The following GLI3 variants were observed in gnomAD, a reference collection of about 807,000 sequenced individuals.
GLI3 encodes GLI family zinc finger 3.
In GLI3, 20 loss-of-function variants were observed where a neutral mutation model predicts 100.8. The observed-to-expected ratio is 0.20, with a 90% CI of 0.14 to 0.29. GLI3 has a LOEUF of 0.29. GLI3 is among the 10% of genes least tolerant of loss of function. The pLI is 1.00. For synonymous variants in GLI3, 938 were observed against 860.5 expected (o/e 1.09, Z -1.58); for missense variants, 2,040 against 2,128.5 (o/e 0.96, Z 0.82).
At chr7:42,026,532 G>A (rs1789119244) in intron 7 of GLI3, 120 bp from the exon 8 acceptor site, 1 of 804,774 alleles carries the variant, frequency 1.2e-6, no homozygotes, top group Admixed American at 2.0e-5. Context: ...GTTTAAATGA[G>A]AAGGTAGGAT....
At chr7:42,172,998 T>A (rs1467075061) in intron 2 of GLI3, among the ~76,000 whole-genome samples, 1 of 152,208 alleles carries the variant, frequency 6.6e-6, no homozygotes, top group Admixed American at 6.5e-5. Context: ...CCAGTGCCCT[T>A]ACCCGGTAGT....
intron 3 of GLI3, chr7:42,113,667 A>G: frequency 1.3e-6 from 1 of 757,470 alleles, no homozygotes; most frequent in Non-Finnish European, 2.3e-6. Flanking sequence ...ATGACTGTAC[A>G]GTTTGAAATA....
chr7:42,010,535 C>G (rs959649768), intron 10 of GLI3, among the ~76,000 whole-genome samples: 1 of 152,134 alleles, frequency 6.6e-6, no homozygotes, highest in African/African-American at 2.4e-5. Flanking sequence ...GTGTTTTGAT[C>G]AAAGAGTCTG....
chr7:41,992,268 G>T (rs1195038860), intron 10 of GLI3, among the ~76,000 whole-genome samples: 2 of 152,222 alleles, frequency 1.3e-5, no homozygotes, highest in Non-Finnish European at 2.9e-5. Context: ...TGTGGGTGAT[G>T]AATTAGAGAG....
chr7:42,245,077 G>A (rs1788958345), intron 1 of GLI3, among the ~76,000 whole-genome samples: 1 of 152,180 alleles, frequency 6.6e-6, no homozygotes, highest in African/African-American at 2.4e-5. Context: ...CTTTCCAGGA[G>A]CCTTCACAAA....
chr7:42,158,045 C>T (rs1482883829), intron 2 of GLI3, among the ~76,000 whole-genome samples: 1 of 152,132 alleles, frequency 6.6e-6, no homozygotes, highest in Non-Finnish European at 1.5e-5. Context: ...TAATTATCTC[C>T]TATGCATATG....
chr7:42,076,575 G>C (rs1784882747), intron 4 of GLI3, among the ~76,000 whole-genome samples, 177 bp downstream of exon 4: 1 of 152,200 alleles, frequency 6.6e-6, no homozygotes, highest in Non-Finnish European at 1.5e-5. Context: ...TCAGGAAGCA[G>C]CAGGGATTTG....
intron 5 of GLI3, among the ~76,000 whole-genome samples, chr7:42,046,824 A>G (rs969693719): frequency 9.2e-5 from 14 of 152,336 alleles, no homozygotes; most frequent in African/African-American, 3.1e-4. Flanking sequence ...TAAAATCTGA[A>G]GCAGAAAATC....
intron 12 of GLI3, among the ~76,000 whole-genome samples, chr7:41,973,212 T>C (rs1787413961): frequency 6.6e-6 from 1 of 152,204 alleles, no homozygotes; most frequent in South Asian, 2.1e-4. Flanking sequence ...TTGGGTAGCA[T>C]TACAAGTGTG....
chr7:42,067,260 T>C (rs1397546883), intron 4 of GLI3, among the ~76,000 whole-genome samples: 1 of 152,172 alleles, frequency 6.6e-6, no homozygotes, highest in East Asian at 1.9e-4. Context: ...TAGTATATGT[T>C]AACGACAATG....
chr7:42,125,868 A>G (rs1361167659), intron 3 of GLI3, among the ~76,000 whole-genome samples: 2 of 152,208 alleles, frequency 1.3e-5, no homozygotes, highest in Non-Finnish European at 2.9e-5. Flanking sequence ...AGATAACTCA[A>G]AAACACAAGG....
chr7:42,188,358 C>T (rs749933474), intron 2 of GLI3, among the ~76,000 whole-genome samples: 37 of 152,244 alleles, frequency 2.4e-4, no homozygotes, highest in African/African-American at 6.3e-4. Context: ...AATACACACA[C>T]CGCTGGTAAA....
chr7:42,147,606 A>G (rs1562757429), intron 3 of GLI3, among the ~76,000 whole-genome samples: 1 of 152,346 alleles, frequency 6.6e-6, no homozygotes, highest in Non-Finnish European at 1.5e-5. Context: ...CATCCCATAC[A>G]TGAGTTCAGA....
At chr7:42,212,009 A>G (rs1352115543) in intron 2 of GLI3, among the ~76,000 whole-genome samples, 1 of 152,128 alleles carries the variant, frequency 6.6e-6, no homozygotes, top group Non-Finnish European at 1.5e-5. Flanking sequence ...ATTTTTCCCA[A>G]TGCTTTTGCA....
At chr7:42,181,375 T>C (rs1583626875) in intron 2 of GLI3, among the ~76,000 whole-genome samples, 2 of 152,016 alleles carry the variant, frequency 1.3e-5, no homozygotes, top group South Asian at 4.2e-4. Flanking sequence ...ATGAGGTGGG[T>C]GGATATCTTG....
At chr7:41,968,775 A>AGAAAGAAAGAAAAAGAAAGAAAGAAG (rs1562662139) in intron 13 of GLI3, among the ~76,000 whole-genome samples, 1 of 139,948 alleles carries the variant, frequency 7.1e-6, no homozygotes, top group African/African-American at 2.6e-5. Flanking sequence ...AAAGAAAGAA[A>AGAAAGAAAGAAAAAGAAAGAAAGAAG]GAAAGAAAGA....
intron 7 of GLI3, among the ~76,000 whole-genome samples, chr7:42,038,192 C>T (rs1436099459): frequency 6.6e-6 from 1 of 152,160 alleles, no homozygotes; most frequent in Non-Finnish European, 1.5e-5. Context: ...CAGGAATATT[C>T]GCCAGGAGTG....
Position 42,045,809 on chromosome 7 carries a change from A to G in GLI3, c.680-279T>C, listed in dbSNP as rs1784233649. Among the ~76,000 whole-genome samples the G allele has an allele frequency of 2.0e-5, 3 of 152,260 alleles. No homozygotes were observed. In the South Asian group the frequency reaches 6.2e-4, roughly 32 times the overall value. On this transcript the variant is annotated intron_variant, in intron 5 of 14. Coordinates refer to ENST00000395925, the MANE Select transcript of GLI3 (RefSeq NM_000168.6). ...CAACAAATCAGAATGATTAAAATGTATATATGTACATAACCACATTTGCCC... is the reference window on the plus strand; with the variant it reads ...CAACAAATCAGAATGATTAAAATGTGTATATGTACATAACCACATTTGCCC...
intron 10 of GLI3, among the ~76,000 whole-genome samples, chr7:41,983,977 TTCTTCCAC>T (rs1199977400): frequency 6.6e-6 from 1 of 152,170 alleles, no homozygotes; most frequent in Admixed American, 6.5e-5. Flanking sequence ...GACTCAGTAT[TTCTTCCAC>T]TGTTTCTTCC....
Sources: allele counts gnomAD v4.1 joint callset (sites outside exome capture counted in the v4.1 genomes callset), GRCh38; gene constraint gnomAD v4.1.1; transcripts MANE v1.5; gene names NCBI Gene and HGNC (gene_info 2026-07-23, HGNC 2026-07-21).